The following UBE2R2 variants were observed in gnomAD, a reference collection of about 807,000 sequenced individuals.
The protein encoded by UBE2R2 is ubiquitin conjugating enzyme E2 R2.
A neutral mutation model predicts 27.8 loss-of-function variants in UBE2R2; 1 was observed. That is an observed-to-expected ratio of 0.04 (90% CI 0.01 to 0.17). UBE2R2 has a LOEUF of 0.17. Ranked by LOEUF, UBE2R2 falls within the 10% of genes least tolerant of loss-of-function variation. The probability of loss-of-function intolerance (pLI) is 1.00; values close to 1 mark genes in which losing one functional copy is unlikely to be tolerated. For missense variants in UBE2R2, 100 were observed against 291.0 expected, an observed-to-expected ratio of 0.34 and a Z score of 4.78; for synonymous variants, 106 against 113.3, an observed-to-expected ratio of 0.94 and a Z score of 0.41.
chr9:33,851,528 A>G (rs1190844891), intron 1 of UBE2R2, among the ~76,000 whole-genome samples: 1 of 152,186 alleles, frequency 6.6e-6, no homozygotes, highest in Non-Finnish European at 1.5e-5. Flanking sequence ...TCGGCAGTAC[A>G]GGTCACTTAC....
chr9:33,890,239 A>G (rs1587471585), intron 2 of UBE2R2, among the ~76,000 whole-genome samples: 1 of 152,344 alleles, frequency 6.6e-6, no homozygotes. Flanking sequence ...AATAAAATGC[A>G]TGCATATCCC....
At chr9:33,828,885 T>C (rs1820379024) in intron 1 of UBE2R2, among the ~76,000 whole-genome samples, 4 of 152,142 alleles carry the variant, frequency 2.6e-5, no homozygotes, top group African/African-American at 9.7e-5. Flanking sequence ...AGGCGCACGC[T>C]GCCATGCCTG....
intron 1 of UBE2R2, among the ~76,000 whole-genome samples, chr9:33,839,920 C>T (rs1820695509): frequency 6.6e-6 from 1 of 151,932 alleles, no homozygotes; most frequent in African/African-American, 2.4e-5. Context: ...TGCTTGAGCA[C>T]AGAAGTTTGA....
In UBE2R2 at chr9:33,916,999, T is replaced by C. The variant is rs781291232; in HGVS notation, c.498-19T>C. 6.2e-7 allele frequency: 1 copy of C among 1,613,740 alleles called. No individual in the cohort carries two copies. Among genetic ancestry groups the C allele is most frequent in the South Asian group, 1.1e-5 (1 of 91,012 alleles). On this transcript the variant is annotated intron_variant, in intron 4 of 4. Coordinates refer to ENST00000263228, the MANE Select transcript of UBE2R2 (RefSeq NM_017811.4). ...AAAAAGACTTACCGTAAACCATTTC[T>C]GTGTCAACCTCCCTTCAGGAAACAA...
chr9:33,890,951 T>TTTTGAGGACCAGTGTTGGTATTTGTGGTA (rs1255111556), intron 2 of UBE2R2, among the ~76,000 whole-genome samples: 1 of 152,140 alleles, frequency 6.6e-6, no homozygotes, highest in African/African-American at 2.4e-5. Flanking sequence ...GAATTGAAAT[T>TTTTGAGGACCAGTGTTGGTATTTGTGGTA]TTTGAGGACC....
At chr9:33,893,877 C>G (rs1822039206) in intron 2 of UBE2R2, among the ~76,000 whole-genome samples, 1 of 152,134 alleles carries the variant, frequency 6.6e-6, no homozygotes, top group South Asian at 2.1e-4. Flanking sequence ...AGTGATTCAC[C>G]TGCCTTGGCC....
At chr9:33,902,652 ATGAAAAGAAC>A (rs1716494902) in intron 3 of UBE2R2, among the ~76,000 whole-genome samples, 1 of 152,266 alleles carries the variant, frequency 6.6e-6, no homozygotes, top group Non-Finnish European at 1.5e-5. Flanking sequence ...TTCTAAATAC[ATGAAAAGAAC>A]TAAAATAATT....
At chr9:33,832,242 A>G (rs1188925425) in intron 1 of UBE2R2, among the ~76,000 whole-genome samples, 1 of 151,460 alleles carries the variant, frequency 6.6e-6, no homozygotes, top group Non-Finnish European at 1.5e-5. Flanking sequence ...CGGGAAGCAG[A>G]GGTTGCAGTG....
At chr9:33,815,220 A>G (rs934562319), upstream of UBE2R2, among the ~76,000 whole-genome samples, 1 of 152,256 alleles carries the variant, frequency 6.6e-6, no homozygotes, top group Non-Finnish European at 1.5e-5. Context: ...AGAGGAATCT[A>G]CAGAAACAGG....
intron 1 of UBE2R2, among the ~76,000 whole-genome samples, chr9:33,847,941 GAC>G: frequency 6.6e-6 from 1 of 151,802 alleles, no homozygotes; most frequent in South Asian, 2.1e-4. Context: ...TTTTAGTAGA[GAC>G]AGGGTTTCAC....
At chr9:33,855,466 T>TC (rs1563989424) in intron 1 of UBE2R2, among the ~76,000 whole-genome samples, 1 of 152,238 alleles carries the variant, frequency 6.6e-6, no homozygotes, top group Non-Finnish European at 1.5e-5. Flanking sequence ...TTCATGAGTT[T>TC]GTTTTTCCTG....
At chr9:33,903,422 T>TA (rs1822287905) in intron 3 of UBE2R2, among the ~76,000 whole-genome samples, 1 of 152,194 alleles carries the variant, frequency 6.6e-6, no homozygotes, top group Admixed American at 6.5e-5. Flanking sequence ...ACCCTCTCCC[T>TA]ATTTGAGAAA....
intron 1 of UBE2R2, among the ~76,000 whole-genome samples, chr9:33,854,361 C>G (rs1215114859): frequency 6.6e-6 from 1 of 151,594 alleles, no homozygotes; most frequent in Non-Finnish European, 1.5e-5. Context: ...CTCTTGTCGT[C>G]CAGGCTGGAG....
chr9:33,840,920 T>C (rs374533889), intron 1 of UBE2R2, among the ~76,000 whole-genome samples: 6 of 152,116 alleles, frequency 3.9e-5, no homozygotes, highest in East Asian at 3.9e-4. Context: ...CTATTTAATT[T>C]AATTTAATTA....
intron 1 of UBE2R2, among the ~76,000 whole-genome samples, chr9:33,839,336 C>T (rs1021137813): frequency 4.6e-5 from 7 of 152,138 alleles, no homozygotes; most frequent in Admixed American, 2.0e-4. Flanking sequence ...CTCCCAGGTT[C>T]GAGCAATTCT....
At chr9:33,894,361 T>C (rs1184571026) in intron 2 of UBE2R2, among the ~76,000 whole-genome samples, 1 of 152,218 alleles carries the variant, frequency 6.6e-6, no homozygotes, top group Non-Finnish European at 1.5e-5. Flanking sequence ...ACATGGCTTA[T>C]GTTGAGCATC....
At chr9:33,885,845 T>C (rs1244459965) in intron 1 of UBE2R2, among the ~76,000 whole-genome samples, 1 of 152,228 alleles carries the variant, frequency 6.6e-6, no homozygotes, top group African/African-American at 2.4e-5. Context: ...TCAGGTTTTC[T>C]GGATTTCTTC....
chr9:33,857,637 TAGAA>T (rs1418923437), intron 1 of UBE2R2, among the ~76,000 whole-genome samples: 1 of 152,202 alleles, frequency 6.6e-6, no homozygotes, highest in Non-Finnish European at 1.5e-5. Flanking sequence ...AATTTTAAAT[TAGAA>T]AGTGTTACTA....
At chr9:33,862,088 C>A (rs1227912894) in intron 1 of UBE2R2, among the ~76,000 whole-genome samples, 2 of 151,946 alleles carry the variant, frequency 1.3e-5, no homozygotes, top group Admixed American at 6.6e-5. Context: ...CGCCTGACCT[C>A]ATGATTCACC....
Sources: allele counts gnomAD v4.1 joint callset (sites outside exome capture counted in the v4.1 genomes callset), GRCh38; gene constraint gnomAD v4.1.1; transcripts MANE v1.5; gene names NCBI Gene and HGNC (gene_info 2026-07-23, HGNC 2026-07-21).